The following CACNA1C variants were observed in gnomAD, a reference collection of about 807,000 sequenced individuals.
CACNA1C encodes the protein calcium voltage-gated channel subunit alpha1 C.
CACNA1C carries 30 observed loss-of-function variants against 229.0 expected under a neutral mutation model. The ratio of observed to expected loss-of-function variants is 0.13; its 90% CI spans 0.10 to 0.18. CACNA1C has a LOEUF of 0.18. Ranked by LOEUF, CACNA1C falls within the 10% of genes least tolerant of loss-of-function variation. The probability of loss-of-function intolerance (pLI) is 1.00; values close to 1 mark genes in which losing one functional copy is unlikely to be tolerated. For synonymous variants in CACNA1C, 1,114 were observed against 1,132.5 expected, an observed-to-expected ratio of 0.98 and a Z score of 0.33; for missense variants, 1,658 against 2,845.0, an observed-to-expected ratio of 0.58 and a Z score of 9.49.
At chr12:1,980,778 T>C (rs2035907476) in intron 1 of CACNA1C, among the ~76,000 whole-genome samples, 1 of 151,880 alleles carries the variant, frequency 6.6e-6, no homozygotes, top group African/African-American at 2.4e-5. Context: ...AGCATAAGCT[T>C]TTCTGTTTAA....
At chr12:2,565,264 C>G (rs369785262) in intron 11 of CACNA1C, among the ~76,000 whole-genome samples, 5 of 151,384 alleles carry the variant, frequency 3.3e-5, no homozygotes, top group Admixed American at 6.6e-5. Context: ...GTCAGGAGAT[C>G]GAGACCATCC....
chr12:1,996,950 T>C (rs2470397), intron 1 of CACNA1C, among the ~76,000 whole-genome samples: 31,291 of 152,160 alleles, frequency 0.21, 3,468 homozygotes, highest in African/African-American at 0.25. Flanking sequence ...TTATATTAGG[T>C]CTTTTAATTT....
In CACNA1C at chr12:2,319,178, C is replaced by T. The variant is rs1376372852; in HGVS notation, c.478-129798C>T. Among the ~76,000 whole-genome samples the T allele has an allele frequency of 6.6e-6, 1 of 152,088 alleles. No homozygotes were observed. Among genetic ancestry groups the T allele is most frequent in the Non-Finnish European group, 1.5e-5 (1 of 68,002 alleles). ...TGGGCAGGCAGGGGTCCCCACATAT[C>T]ACTGCACCCTCGTGGGCTCCCCTGC... On this transcript the variant is annotated intron_variant, in intron 3 of 46. Transcript: ENST00000399655. This position sits in a 1 kb window ranked among gnomAD's most constrained non-coding sequence, Gnocchi z 4.0.
intron 3 of CACNA1C, among the ~76,000 whole-genome samples, chr12:2,304,437 C>A (rs112809974): frequency 0.015 from 2,237 of 152,330 alleles, 51 homozygotes; most frequent in African/African-American, 0.051. Flanking sequence ...GGCACCGAGG[C>A]AGATCCCCTA....
intron 3 of CACNA1C, among the ~76,000 whole-genome samples, chr12:2,389,229 G>C (rs1224980865): frequency 6.6e-6 from 1 of 152,088 alleles, no homozygotes; most frequent in Non-Finnish European, 1.5e-5. Context: ...ATGAGATAAG[G>C]ACAGAGGCGT....
chr12:2,325,705 C>G (rs2096260884), intron 3 of CACNA1C, among the ~76,000 whole-genome samples: 1 of 152,232 alleles, frequency 6.6e-6, no homozygotes, highest in African/African-American at 2.4e-5. Context: ...ACAGGTTTTG[C>G]TGCTTTCCTT....
chr12:2,485,989 C>A, intron 5 of CACNA1C, 115 bp from the exon 6 acceptor site: 1 of 811,440 alleles, frequency 1.2e-6, no homozygotes, highest in Non-Finnish European at 1.9e-6. Context: ...GTCTTCTCAT[C>A]TAAACAACAG....
At position 2,034,866 on chromosome 12, in the gene CACNA1C, ATATAAT is replaced by A. The variant is rs1249163630; in HGVS notation, c.139+63668_139+63673del. On this transcript the variant is annotated intron_variant, in intron 1 of 46. Coordinates refer to the CACNA1C transcript ENST00000682462. The surrounding 1 kb of genome is among the most constrained non-coding windows in gnomAD (Gnocchi z 4.1). Reference sequence around the variant, plus strand: ...CAGGTGATTTTCATTCTGTGTGTAAATATAATTAGGAAAGTACAGGATGCTATGGGA... The same window carrying A: ...CAGGTGATTTTCATTCTGTGTGTAAATAGGAAAGTACAGGATGCTATGGGA... 6.6e-6 allele frequency among the ~76,000 whole-genome samples: 1 copy of A among 152,210 alleles called. No individual in the cohort carries two copies. The highest frequency in any genetic ancestry group is 1.9e-4 in the East Asian group (1 of 5,202).
chr12:2,366,082 G>A (rs1394101989), intron 3 of CACNA1C, among the ~76,000 whole-genome samples: 2 of 152,216 alleles, frequency 1.3e-5, no homozygotes, highest in African/African-American at 4.8e-5. Context: ...CCCCAGCATA[G>A]TATAAAATGG....
chr12:2,597,372 T>C lies in CACNA1C; in HGVS notation c.2853+83T>C. Reference sequence around the variant, plus strand: ...TGCCGCTGTCTGTCGCTAACACACATGCTCCTTCCTGTTGGTGTGGGGTTC... The same window carrying C: ...TGCCGCTGTCTGTCGCTAACACACACGCTCCTTCCTGTTGGTGTGGGGTTC... On this transcript the variant is annotated intron_variant, in intron 21 of 46. Coordinates refer to ENST00000399655, the MANE Select transcript of CACNA1C (RefSeq NM_000719.7). This position sits in a 1 kb window ranked among gnomAD's most constrained non-coding sequence, Gnocchi z 4.3. 1 of 1,496,172 alleles carries C rather than the reference T, an allele frequency of 6.7e-7. No individual in the cohort carries two copies. The highest frequency in any genetic ancestry group is 9.3e-7 in the Non-Finnish European group (1 of 1,072,588). 92.7% of individuals were successfully genotyped at this position (1,496,172 alleles called of 1,614,324 possible). A position where few individuals can be genotyped will look rare whatever the true frequency, so the allele number is the denominator to read the frequency against.
At chr12:2,519,976 C>A (rs979152856) in intron 9 of CACNA1C, among the ~76,000 whole-genome samples, 3 of 152,212 alleles carry the variant, frequency 2.0e-5, no homozygotes, top group Non-Finnish European at 2.9e-5. Flanking sequence ...GTATACAGTG[C>A]GAAGTAGGCA....
chr12:2,622,259 C>T (rs1373948370), intron 29 of CACNA1C, among the ~76,000 whole-genome samples: 2 of 152,106 alleles, frequency 1.3e-5, no homozygotes, highest in Non-Finnish European at 2.9e-5. Context: ...TGAAAAGGGC[C>T]GGACAGAGGC....
At chr12:2,022,691 C>T (rs554693783) in intron 1 of CACNA1C, among the ~76,000 whole-genome samples, 4 of 152,030 alleles carry the variant, frequency 2.6e-5, no homozygotes, top group Non-Finnish European at 4.4e-5. Flanking sequence ...ATGATCCTCC[C>T]GCCTCAGCCT....
At chr12:2,259,858 C>G (rs2079396263) in intron 3 of CACNA1C, among the ~76,000 whole-genome samples, 1 of 152,126 alleles carries the variant, frequency 6.6e-6, no homozygotes, top group Admixed American at 6.6e-5. Flanking sequence ...ATTGCTTGAG[C>G]CCAGGAGGTG....
intron 11 of CACNA1C, among the ~76,000 whole-genome samples, chr12:2,558,735 A>G (rs1384834727): frequency 6.6e-6 from 1 of 152,196 alleles, no homozygotes; most frequent in African/African-American, 2.4e-5. Flanking sequence ...GTGGTGACCA[A>G]GGGCTAAAAA....
rs540925937 is a variant in CACNA1C, at chr12:2,410,066, G to A, written c.478-38910G>A. ...AATGAATCATCCTCACCTGCCAGCC[G>A]CGGGCCTCAGCAAGCTGGCAGCTTC... On this transcript the variant is annotated intron_variant, in intron 3 of 46. Transcript: ENST00000399655. The surrounding 1 kb of genome is among the most constrained non-coding windows in gnomAD (Gnocchi z 5.3). Among the ~76,000 whole-genome samples the A allele has an allele frequency of 2.6e-5, 4 of 152,304 alleles. No homozygotes were observed. The highest frequency in any genetic ancestry group is 4.1e-4 in the South Asian group (2 of 4,820).
chr12:2,577,187 C>CTCTG lies in CACNA1C; in HGVS notation c.1896-4386_1896-4383dup, dbSNP rs138208506. On this transcript the variant is annotated intron_variant, in intron 13 of 46. Transcript: ENST00000399655. ...AGACAAACAGCACAAACAACCATAT[C>CTCTG]TCTGTCTGTCTGTCTGTCTGAGCCA... is the stretch of plus-strand genomic sequence containing the variant. Among the ~76,000 whole-genome samples, 18 of 152,346 alleles carry CTCTG rather than the reference C, an allele frequency of 1.2e-4. 1 individual carries two copies. The highest frequency in any genetic ancestry group is 2.0e-4 in the Admixed American group (3 of 15,308).
At chr12:2,655,528 A>G (rs1429710146) in intron 34 of CACNA1C, among the ~76,000 whole-genome samples, 1 of 152,230 alleles carries the variant, frequency 6.6e-6, no homozygotes, top group East Asian at 1.9e-4. Flanking sequence ...AACAGGCCCA[A>G]AGCCAACCTG....
rs953574778 is a variant in CACNA1C at position 2,348,443 on chromosome 12, C to T, written c.478-100533C>T. 2.6e-5 allele frequency among the ~76,000 whole-genome samples: 4 copies of T among 152,328 alleles called. No homozygotes were observed. Among genetic ancestry groups the T allele is most frequent in the African/African-American group, 9.6e-5 (4 of 41,566 alleles). ...GGAGGTGATTGGCATATGTAAGAAC[C>T]CCCTTTCCCGTTGGCGTGTATGGTG... On this transcript the variant is annotated intron_variant, in intron 3 of 46. Transcript: ENST00000399655. The surrounding 1 kb of genome is among the most constrained non-coding windows in gnomAD (Gnocchi z 4.7).
Sources: allele counts gnomAD v4.1 joint callset (sites outside exome capture counted in the v4.1 genomes callset), GRCh38; gene constraint gnomAD v4.1.1; non-coding constraint Gnocchi (gnomAD v3.1); transcripts MANE v1.5; gene names NCBI Gene and HGNC (gene_info 2026-07-23, HGNC 2026-07-21).